CCDC158: variants seen among roughly 807,000 people sequenced by gnomAD.
The protein encoded by CCDC158 is coiled-coil domain containing 158, also known as coiled-coil domain-containing protein 158.
Under a neutral mutation model 138.6 loss-of-function variants are expected in CCDC158, and 116 were observed. That is an observed-to-expected ratio of 0.84 (90% CI 0.72 to 0.98). The LOEUF (loss-of-function observed/expected upper bound fraction) is 0.98, where lower values mean the gene tolerates loss of function less well. Among genes scored for constraint, CCDC158 ranks in the 50% least tolerant of loss-of-function variants. The pLI is 0.00. For synonymous variants in CCDC158, 436 were observed against 442.4 expected (o/e 0.99, Z 0.18); for missense variants, 1,265 against 1,306.1 (o/e 0.97, Z 0.48).
intron 13 of CCDC158, among the ~76,000 whole-genome samples, chr4:76,359,140 C>G (rs1384581848): frequency 6.6e-6 from 1 of 152,052 alleles, no homozygotes; most frequent in Non-Finnish European, 1.5e-5. Flanking sequence ...TGAAGATGTG[C>G]TTGTTTCCCC....
At chr4:76,415,604 G>T (rs1729626770) in intron 1 of CCDC158, among the ~76,000 whole-genome samples, 1 of 152,036 alleles carries the variant, frequency 6.6e-6, no homozygotes, top group Non-Finnish European at 1.5e-5. Flanking sequence ...TCATTAGCTT[G>T]TAGCAATTAT....
At chr4:76,415,320 C>T (rs1203717537) in intron 1 of CCDC158, among the ~76,000 whole-genome samples, 1 of 151,884 alleles carries the variant, frequency 6.6e-6, no homozygotes. Context: ...CTGTTAAAGC[C>T]ATTCAGTTTT....
Position 76,325,877 on chromosome 4 carries a change from T to C in CCDC158, c.3149A>G (p.His1050Arg). 2.5e-6 allele frequency: 4 copies of C among 1,610,598 alleles called. No individual in the cohort carries two copies. The highest frequency in any genetic ancestry group is 2.5e-6 in the Non-Finnish European group (3 of 1,178,888). The change falls in exon 23 of 25, where the codon CAT becomes CGT. Residue 1050 changes from histidine to arginine, a missense_variant. Physicochemically the swap from His to Arg is conservative, Grantham distance 29. Coordinates refer to ENST00000682701, the MANE Select transcript of CCDC158 (RefSeq NM_001394954.1). ...CTTACCTTTAACAGAATCAGATGAA[T>C]GAATAGGTTTGGCAGATCTATACTG... is the stretch of plus-strand genomic sequence containing the variant. The part of the protein sequence containing the change: ...TSQYRSAKPI[H>R]SSDSVKDSQS...
intron 4 of CCDC158, among the ~76,000 whole-genome samples, chr4:76,390,297 G>A (rs1230562099): frequency 2.0e-5 from 3 of 152,096 alleles, no homozygotes; most frequent in Admixed American, 6.5e-5. Context: ...CACTTTTTAA[G>A]TGATGGTTTT....
intron 4 of CCDC158, among the ~76,000 whole-genome samples, chr4:76,396,025 T>C (rs1727749181): frequency 6.6e-6 from 1 of 152,228 alleles, no homozygotes; most frequent in South Asian, 2.1e-4. Flanking sequence ...CATTAAAATT[T>C]ATATCATGAA....
intron 1 of CCDC158, among the ~76,000 whole-genome samples, chr4:76,417,311 T>C (rs2109932450): frequency 6.6e-6 from 1 of 152,346 alleles, no homozygotes; most frequent in South Asian, 2.1e-4. Context: ...GTTTTTGATT[T>C]TACAGGCTCA....
intron 24 of CCDC158, among the ~76,000 whole-genome samples, chr4:76,314,548 A>G (rs1444404212): frequency 6.6e-6 from 1 of 152,220 alleles, no homozygotes; most frequent in Non-Finnish European, 1.5e-5. Context: ...GATAGGTAAA[A>G]AACTGTGAGT....
chr4:76,383,760 T>C (rs1289490677), intron 6 of CCDC158, 22 bp from the exon 7 acceptor site: 2 of 1,544,362 alleles, frequency 1.3e-6, no homozygotes, highest in East Asian at 4.5e-5. Flanking sequence ...AAAGAGACAC[T>C]GATTTAGTTA....
chr4:76,350,982 G>A lies in CCDC158; in HGVS notation c.2664+14C>T. ...ATGTCATTTGCGTAATGGATCATAAGACTGGTTACTTACATGAGACAGGAA... is the reference window on the plus strand; with the variant it reads ...ATGTCATTTGCGTAATGGATCATAAAACTGGTTACTTACATGAGACAGGAA... On this transcript the variant is annotated intron_variant, in intron 18 of 24. Coordinates refer to ENST00000682701, the MANE Select transcript of CCDC158 (RefSeq NM_001394954.1). 6.2e-7 allele frequency: 1 copy of A among 1,611,528 alleles called. No homozygotes were observed. The highest frequency in any genetic ancestry group is 8.5e-7 in the Non-Finnish European group (1 of 1,178,770).
intron 13 of CCDC158, among the ~76,000 whole-genome samples, chr4:76,359,479 C>G (rs938071092): frequency 6.6e-6 from 1 of 152,162 alleles, no homozygotes; most frequent in Admixed American, 6.5e-5. Flanking sequence ...GACCAGAATG[C>G]TGACAGTGAT....
At chr4:76,414,804 G>T (rs573524957) in intron 1 of CCDC158, among the ~76,000 whole-genome samples, 5 of 152,308 alleles carry the variant, frequency 3.3e-5, no homozygotes, top group Admixed American at 6.5e-5. Flanking sequence ...CTCCCCAGCC[G>T]TGTGGAACTG....
upstream of CCDC158, among the ~76,000 whole-genome samples, chr4:76,421,414 G>A (rs1396755026): frequency 6.6e-6 from 1 of 152,036 alleles, no homozygotes; most frequent in Non-Finnish European, 1.5e-5. Context: ...AAATCCTGGA[G>A]CCCTGCCCCA....
In CCDC158 at chr4:76,332,407, A is replaced by C. The variant is rs1408169976; in HGVS notation, c.2882+25T>G. ...ATAAAATATTTGGACAATTAATTTG[A>C]TTCAGAATCTCAGATTCTTCTTACC... On this transcript the variant is annotated intron_variant, in intron 20 of 24. Coordinates refer to ENST00000682701, the MANE Select transcript of CCDC158 (RefSeq NM_001394954.1). 5 of 1,586,376 alleles carry C rather than the reference A, an allele frequency of 3.2e-6. No individual in the cohort carries two copies. In the African/African-American group the frequency reaches 5.4e-5, roughly 17 times the overall value.
intron 18 of CCDC158, among the ~76,000 whole-genome samples, chr4:76,336,842 G>GCA (rs2110118706): frequency 6.6e-6 from 1 of 152,234 alleles, no homozygotes; most frequent in East Asian, 1.9e-4. Context: ...ACCATTTTTG[G>GCA]TTGCCACACA....
chr4:76,366,764 AATT>A (rs1724712711), intron 12 of CCDC158, among the ~76,000 whole-genome samples: 1 of 152,106 alleles, frequency 6.6e-6, no homozygotes, highest in Non-Finnish European at 1.5e-5. Context: ...TTAAATTTTA[AATT>A]ATTAAGTTAT....
At chr4:76,325,031 A>G (rs1329793245) in intron 23 of CCDC158, among the ~76,000 whole-genome samples, 1 of 152,208 alleles carries the variant, frequency 6.6e-6, no homozygotes, top group Non-Finnish European at 1.5e-5. Flanking sequence ...AGGTTTGCAC[A>G]CACTTGCCCA....
intron 18 of CCDC158, among the ~76,000 whole-genome samples, chr4:76,338,045 C>T (rs1305387525): frequency 2.0e-5 from 3 of 152,218 alleles, no homozygotes; most frequent in African/African-American, 2.4e-5. Context: ...TGAGCTCCAC[C>T]TCCTGTCAGA....
Position 76,384,681 on chromosome 4 carries a change from A to T in CCDC158, c.289-16T>A. Reference sequence around the variant, plus strand: ...ATTCATTGCTCTGAAAAAAAAAGCCATGCAAATTAATCTTCATTAGAGAAA... The same window carrying T: ...ATTCATTGCTCTGAAAAAAAAAGCCTTGCAAATTAATCTTCATTAGAGAAA... On this transcript the variant is annotated splice_polypyrimidine_tract_variant and intron_variant, in intron 4 of 24. Coordinates refer to ENST00000682701, the MANE Select transcript of CCDC158 (RefSeq NM_001394954.1). The T allele has an allele frequency of 6.4e-7, 1 of 1,550,914 alleles. No individual in the cohort carries two copies. Among genetic ancestry groups the T allele is most frequent in the South Asian group, 1.1e-5 (1 of 87,910 alleles).
intron 2 of CCDC158, among the ~76,000 whole-genome samples, chr4:76,409,971 C>T (rs1259953046): frequency 6.6e-6 from 1 of 151,672 alleles, no homozygotes; most frequent in Non-Finnish European, 1.5e-5. Flanking sequence ...AGGAAAATTC[C>T]CTAAAGCCTT....
Sources: gnomAD v4.1 joint callset for allele counts (sites outside exome capture counted in the v4.1 genomes callset) on GRCh38, gnomAD v4.1.1 for gene constraint, MANE v1.5 for transcripts, NCBI Gene and HGNC (gene_info 2026-07-23, HGNC 2026-07-21) for gene names.